The following KCNIP4 variants were observed in gnomAD, a reference collection of about 807,000 sequenced individuals.
The protein encoded by KCNIP4 is potassium voltage-gated channel interacting protein 4.
In KCNIP4, 12 loss-of-function variants were observed where a neutral mutation model predicts 34.0. That is an observed-to-expected ratio of 0.35 (90% CI 0.23 to 0.57). KCNIP4 has a LOEUF of 0.57. Ranked by LOEUF, KCNIP4 falls within the 20% of genes least tolerant of loss-of-function variation. KCNIP4 has a pLI of 0.83. For synonymous variants in KCNIP4, 124 were observed against 102.2 expected (o/e 1.21, Z -1.29); for missense variants, 238 against 311.7 (o/e 0.76, Z 1.78).
chr4:21,197,929 T>C (rs913403265), intron 1 of KCNIP4, among the ~76,000 whole-genome samples: 10 of 152,258 alleles, frequency 6.6e-5, no homozygotes, highest in African/African-American at 2.2e-4. Flanking sequence ...CCTAAATATA[T>C]TGCCAAAATC....
chr4:21,942,426 C>A (rs371269121), intron 1 of KCNIP4, among the ~76,000 whole-genome samples: 5 of 152,186 alleles, frequency 3.3e-5, no homozygotes, highest in African/African-American at 1.2e-4. Flanking sequence ...AGTAACAACA[C>A]CCAAAGATGA....
chr4:21,371,002 A>T (rs1191831795), intron 1 of KCNIP4, among the ~76,000 whole-genome samples: 1 of 139,650 alleles, frequency 7.2e-6, no homozygotes, highest in Non-Finnish European at 1.5e-5. Flanking sequence ...GATCTAGCTC[A>T]CAAATATGGT....
chr4:21,825,428 G>A (rs1286807985), intron 1 of KCNIP4, among the ~76,000 whole-genome samples: 2 of 152,060 alleles, frequency 1.3e-5, no homozygotes, highest in East Asian at 1.9e-4. Context: ...ATTTGTAGAC[G>A]ATGATATACA....
intron 3 of KCNIP4, among the ~76,000 whole-genome samples, chr4:20,769,647 A>G (rs1213596879): frequency 6.6e-6 from 1 of 152,202 alleles, no homozygotes; most frequent in African/African-American, 2.4e-5. Context: ...CTGTGGGATA[A>G]AAGAGTCTGA....
At chr4:21,459,047 T>C (rs1235524712) in intron 1 of KCNIP4, among the ~76,000 whole-genome samples, 3 of 152,052 alleles carry the variant, frequency 2.0e-5, no homozygotes, top group Non-Finnish European at 4.4e-5. Context: ...AAAAACAGCA[T>C]TATCTTTTAA....
intron 1 of KCNIP4, among the ~76,000 whole-genome samples, chr4:21,742,615 C>A (rs1412469890): frequency 6.6e-6 from 1 of 152,130 alleles, no homozygotes; most frequent in Non-Finnish European, 1.5e-5. Context: ...TAGGGCCAAC[C>A]AGATGTACTG....
At chr4:21,097,758 T>C (rs1747588999) in intron 1 of KCNIP4, among the ~76,000 whole-genome samples, 1 of 152,124 alleles carries the variant, frequency 6.6e-6, no homozygotes, top group Non-Finnish European at 1.5e-5. Context: ...AAAACATTAT[T>C]GAAATTAGAC....
chr4:21,747,673 A>T (rs940382858), intron 1 of KCNIP4, among the ~76,000 whole-genome samples: 1 of 152,110 alleles, frequency 6.6e-6, no homozygotes, highest in Admixed American at 6.6e-5. Flanking sequence ...CATTAATTTG[A>T]TGGATCTTAA....
intron 1 of KCNIP4, among the ~76,000 whole-genome samples, chr4:21,423,066 A>G (rs1045954970): frequency 6.6e-6 from 1 of 152,150 alleles, no homozygotes; most frequent in Non-Finnish European, 1.5e-5. Flanking sequence ...CCCAGATGGG[A>G]CCAATCACAC....
intron 1 of KCNIP4, among the ~76,000 whole-genome samples, chr4:21,896,222 G>A (rs1727377152): frequency 6.6e-6 from 1 of 152,098 alleles, no homozygotes; most frequent in South Asian, 2.1e-4. Context: ...TGCAGATACA[G>A]TCACCACTCT....
At chr4:20,802,900 C>A (rs1446378350) in intron 3 of KCNIP4, among the ~76,000 whole-genome samples, 1 of 151,772 alleles carries the variant, frequency 6.6e-6, no homozygotes, top group Non-Finnish European at 1.5e-5. Context: ...ACAGTGAAAC[C>A]CCGTCTCTAC....
chr4:21,021,208 C>A (rs148306797), intron 1 of KCNIP4, among the ~76,000 whole-genome samples: 2,806 of 152,186 alleles, frequency 0.018, 79 homozygotes, highest in African/African-American at 0.063. Flanking sequence ...AAGTACAGTA[C>A]AAATACTATC....
At chr4:21,170,467 C>T (rs1252037302) in intron 1 of KCNIP4, among the ~76,000 whole-genome samples, 1 of 152,094 alleles carries the variant, frequency 6.6e-6, no homozygotes, top group Admixed American at 6.6e-5. Flanking sequence ...AACATTAAAT[C>T]ACTGTATCTA....
At chr4:21,773,695 A>G (rs901547029) in intron 1 of KCNIP4, among the ~76,000 whole-genome samples, 3 of 149,786 alleles carry the variant, frequency 2.0e-5, no homozygotes, top group Admixed American at 1.3e-4. Flanking sequence ...TTCTTGGTTT[A>G]AAGTCTGTTT....
At chr4:21,130,204 G>T (rs193041843) in intron 1 of KCNIP4, among the ~76,000 whole-genome samples, 23 of 151,798 alleles carry the variant, frequency 1.5e-4, no homozygotes, top group African/African-American at 2.9e-4. Flanking sequence ...GAATCACCTC[G>T]CAAAATTGTA....
chr4:21,553,654 C>G (rs1004963195), intron 1 of KCNIP4, among the ~76,000 whole-genome samples: 1 of 151,938 alleles, frequency 6.6e-6, no homozygotes, highest in Non-Finnish European at 1.5e-5. Context: ...TTAATTTAGT[C>G]GGTTGTAAAT....
intron 1 of KCNIP4, among the ~76,000 whole-genome samples, chr4:21,681,732 T>C (rs1750372544): frequency 6.6e-6 from 1 of 152,172 alleles, no homozygotes; most frequent in African/African-American, 2.4e-5. Context: ...CTCACCGTTC[T>C]GCAGGCTGTA....
intron 1 of KCNIP4, among the ~76,000 whole-genome samples, chr4:21,690,092 A>ATATATG (rs1181265730): frequency 1.4e-5 from 2 of 147,808 alleles, no homozygotes; most frequent in East Asian, 3.9e-4. Flanking sequence ...AAATATACAT[A>ATATATG]TATATGTATA....
At chr4:21,510,732 G>A (rs547805289) in intron 1 of KCNIP4, among the ~76,000 whole-genome samples, 1 of 151,890 alleles carries the variant, frequency 6.6e-6, no homozygotes, top group Non-Finnish European at 1.5e-5. Context: ...GATTTAAATT[G>A]TTTGGCCAGG....
Sources: gnomAD v4.1 joint callset for allele counts (sites outside exome capture counted in the v4.1 genomes callset) on GRCh38, gnomAD v4.1.1 for gene constraint, MANE v1.5 for transcripts, NCBI Gene and HGNC (gene_info 2026-07-23, HGNC 2026-07-21) for gene names.